The following ACSM5 variants were observed in gnomAD, a reference collection of about 807,000 sequenced individuals.
The protein encoded by ACSM5 is acyl-CoA synthetase medium chain family member 5, also known as acyl-coenzyme A synthetase ACSM5, mitochondrial.
Under a neutral mutation model 71.6 loss-of-function variants are expected in ACSM5, and 56 were observed. The observed-to-expected ratio is 0.78, with a 90% CI of 0.63 to 0.98. ACSM5 has a LOEUF of 0.98. ACSM5 is among the 50% of genes least tolerant of loss of function. ACSM5 has a pLI of 0.00. For synonymous variants in ACSM5, 285 were observed against 281.5 expected (o/e 1.01, Z -0.12); for missense variants, 723 against 726.0 (o/e 1.00, Z 0.05).
chr16:20,427,419 C>T (rs1301729767), intron 6 of ACSM5, among the ~76,000 whole-genome samples: 1 of 152,266 alleles, frequency 6.6e-6, no homozygotes, highest in Non-Finnish European at 1.5e-5. Context: ...CGTAGGATGG[C>T]TTGAGCATAC....
chr16:20,434,153 T>C (rs1967151348), intron 10 of ACSM5, among the ~76,000 whole-genome samples: 1 of 152,194 alleles, frequency 6.6e-6, no homozygotes, highest in African/African-American at 2.4e-5. Flanking sequence ...TTAAATGTTA[T>C]GGATAGTGCT....
intron 5 of ACSM5, among the ~76,000 whole-genome samples, chr16:20,423,510 A>G (rs1035205461): frequency 2.0e-5 from 3 of 152,212 alleles, no homozygotes; most frequent in African/African-American, 4.8e-5. Flanking sequence ...GTTTAGCTCT[A>G]TTAAAACATG....
At chr16:20,411,804 G>T in intron 2 of ACSM5, 116 bp downstream of exon 2, 1 of 1,127,296 alleles carries the variant, frequency 8.9e-7, no homozygotes, top group Non-Finnish European at 1.3e-6. Context: ...TGGGAATTTT[G>T]CTAGTTCTAA....
In ACSM5 at chr16:20,421,658, C is replaced by T. The variant is rs9921239; in HGVS notation, c.767+257C>T. ...ATATATATATATATATATATATATA[C>T]ACACACACATATATATACATACATA... On this transcript the variant is annotated intron_variant, in intron 5 of 13. Transcript: ENST00000331849. Among the ~76,000 whole-genome samples, 395 of 118,806 alleles carry T rather than the reference C, an allele frequency of 3.3e-3. 2 individuals are homozygous for T. Among genetic ancestry groups the T allele is most frequent in the African/African-American group, 0.013 (339 of 26,402 alleles). 77.9% of individuals were successfully genotyped at this position (118,806 alleles called of 152,430 possible). A position where few individuals can be genotyped will look rare whatever the true frequency, so the allele number is the denominator to read the frequency against.
intron 10 of ACSM5, among the ~76,000 whole-genome samples, chr16:20,436,094 C>CTT (rs1567348107): frequency 0.34 from 48,272 of 141,088 alleles, 9,117 homozygotes; most frequent in East Asian, 0.58. Flanking sequence ...CCTTCCTTTT[C>CTT]TCTTTCTTTC....
At chr16:20,424,136 T>C in intron 6 of ACSM5, 67 bp downstream of exon 6, 1 of 1,570,468 alleles carries the variant, frequency 6.4e-7, no homozygotes, top group African/African-American at 1.4e-5. Context: ...GATATAGATT[T>C]CAGACTGCAG....
At chr16:20,439,698 A>C (rs550369701) in intron 12 of ACSM5, 102 bp from the exon 13 acceptor site, 2 of 1,323,058 alleles carry the variant, frequency 1.5e-6, no homozygotes, top group African/African-American at 3.0e-5. Context: ...TAGAACTTTC[A>C]TGGTGCAAAG....
rs1448211061 is a variant in ACSM5 at position 20,419,451 on chromosome 16, C to A, written c.623+16C>A. 6.2e-7 allele frequency: 1 copy of A among 1,611,848 alleles called. No homozygotes were observed. The highest frequency in any genetic ancestry group is 1.1e-5 in the South Asian group (1 of 91,024). On this transcript the variant is annotated intron_variant, in intron 4 of 13. Transcript: ENST00000331849. The stretch of plus-strand genomic sequence containing the variant: ...AACTCCTCCGGTGAATTGGGGCTCT[C>A]CAGAACAGCAGAAAAATGAAGTCAT...
At position 20,423,776 on chromosome 16, in the gene ACSM5, C is replaced by T. The variant is rs1966922873; in HGVS notation, c.768-140C>T. ...AGATGCTGGTTGAGACAATAGTTGA[C>T]TTGATGGTCTTGTTCAGGTTTCACA... On this transcript the variant is annotated intron_variant, in intron 5 of 13. Transcript: ENST00000331849. 3 of 970,936 alleles carry T rather than the reference C, an allele frequency of 3.1e-6. No homozygotes were observed. In the South Asian group the frequency reaches 4.9e-5, roughly 16 times the overall value. 60.1% of individuals were successfully genotyped at this position (970,936 alleles called of 1,614,324 possible).
rs377484215 is a variant in ACSM5 at position 20,421,306 on chromosome 16, G to T, written c.672G>T (p.Pro224=). 4 of 1,606,894 alleles carry T rather than the reference G, an allele frequency of 2.5e-6. No homozygotes were observed. The highest frequency in any genetic ancestry group is 2.6e-6 in the Non-Finnish European group (3 of 1,176,056). ...HNCMRTKSRD[P]LAIYFTSGTT... ...GCATGAGGACAAAGAGTCGAGACCC[G>T]CTGGCCATCTACTTTACCAGCGGAA... The change falls in exon 5 of 14, where the codon CCG becomes CCT. Residue 224 remains proline, a synonymous_variant. Coordinates refer to ENST00000331849, the MANE Select transcript of ACSM5 (RefSeq NM_017888.3).
intron 3 of ACSM5, 23 bp from the exon 4 acceptor site, chr16:20,419,205 C>T (rs1195062229): frequency 6.2e-7 from 1 of 1,613,380 alleles, no homozygotes; most frequent in Non-Finnish European, 8.5e-7. Flanking sequence ...ATCCACTCAA[C>T]ATCCCCTTCT....
intron 10 of ACSM5, among the ~76,000 whole-genome samples, chr16:20,434,318 T>C (rs1254876287): frequency 6.6e-6 from 1 of 152,200 alleles, no homozygotes; most frequent in Admixed American, 6.5e-5. Flanking sequence ...GTCTATTTTA[T>C]TTTTTTCTAT....
intron 2 of ACSM5, among the ~76,000 whole-genome samples, chr16:20,414,563 G>A (rs1237127757): frequency 6.6e-6 from 1 of 152,164 alleles, no homozygotes; most frequent in Non-Finnish European, 1.5e-5. Flanking sequence ...GAACTATAAG[G>A]CTGTATATTT....
At chr16:20,412,444 A>G (rs1388117002) in intron 2 of ACSM5, among the ~76,000 whole-genome samples, 3 of 152,224 alleles carry the variant, frequency 2.0e-5, no homozygotes, top group African/African-American at 7.2e-5. Flanking sequence ...ACAGATACAT[A>G]GAATTGAATA....
chr16:20,411,809 T>C, intron 2 of ACSM5, 121 bp downstream of exon 2: 3 of 1,040,826 alleles, frequency 2.9e-6, no homozygotes, highest in South Asian at 1.5e-5. Context: ...ATTTTGCTAG[T>C]TCTAAAATGT....
At chr16:20,429,494 A>T (rs1450144093) in intron 7 of ACSM5, among the ~76,000 whole-genome samples, 184 bp from the exon 8 acceptor site, 1 of 152,164 alleles carries the variant, frequency 6.6e-6, no homozygotes, top group Non-Finnish European at 1.5e-5. Flanking sequence ...TGGATCTTTT[A>T]AAAATTATCT....
chr16:20,425,131 T>G (rs1966953065), intron 6 of ACSM5, among the ~76,000 whole-genome samples: 1 of 152,196 alleles, frequency 6.6e-6, no homozygotes, highest in Non-Finnish European at 1.5e-5. Context: ...ATCCCCACCT[T>G]TCTCCCAGCC....
intron 12 of ACSM5, among the ~76,000 whole-genome samples, chr16:20,437,627 A>C (rs1338458984): frequency 7.8e-6 from 1 of 127,780 alleles, no homozygotes; most frequent in African/African-American, 3.2e-5. Flanking sequence ...GGGGCAGGAG[A>C]TCTTGGGGGA....
intron 10 of ACSM5, among the ~76,000 whole-genome samples, chr16:20,436,048 T>G (rs2141661019): frequency 6.6e-6 from 1 of 151,212 alleles, no homozygotes; most frequent in African/African-American, 2.4e-5. Context: ...TTTCTTTCTC[T>G]TTCTTTCTCT....
Sources: gnomAD v4.1 joint callset for allele counts (sites outside exome capture counted in the v4.1 genomes callset) on GRCh38, gnomAD v4.1.1 for gene constraint, MANE v1.5 for transcripts, NCBI Gene and HGNC (gene_info 2026-07-23, HGNC 2026-07-21) for gene names.